ARHGAP31: variants seen among roughly 807,000 people sequenced by gnomAD.
The protein encoded by ARHGAP31 is rho GTPase-activating protein 31.
A neutral mutation model predicts 113.9 loss-of-function variants in ARHGAP31; 34 were observed. That is an observed-to-expected ratio of 0.30 (90% confidence interval 0.23 to 0.40). The LOEUF (loss-of-function observed/expected upper bound fraction) is 0.40. Ranked by LOEUF, ARHGAP31 falls within the 10% of genes least tolerant of loss-of-function variation. The pLI is 1.00. For synonymous variants in ARHGAP31, 650 were observed against 684.8 expected, an observed-to-expected ratio of 0.95 and a Z score of 0.79; for missense variants, 1,548 against 1,767.1, an observed-to-expected ratio of 0.88 and a Z score of 2.22.
At chr3:119,407,378 T>C (rs146919931) in intron 10 of ARHGAP31, among the ~76,000 whole-genome samples, 2 of 120,120 alleles carry the variant, frequency 1.7e-5, no homozygotes, top group Non-Finnish European at 3.6e-5. Context: ...AAAAAAAAAA[T>C]AAAGAAAAAA....
chr3:119,308,389 A>G (rs1488053955), intron 1 of ARHGAP31, among the ~76,000 whole-genome samples: 1 of 152,240 alleles, frequency 6.6e-6, no homozygotes, highest in Non-Finnish European at 1.5e-5. Flanking sequence ...TGCAAGATGT[A>G]TTTCTGGAGG....
At chr3:119,341,389 G>T (rs2080007168) in intron 1 of ARHGAP31, among the ~76,000 whole-genome samples, 1 of 152,184 alleles carries the variant, frequency 6.6e-6, no homozygotes, top group Admixed American at 6.5e-5. Flanking sequence ...GTCAGGCACT[G>T]TTCTAAGTGC....
At chr3:119,320,814 C>G (rs1302644686) in intron 1 of ARHGAP31, among the ~76,000 whole-genome samples, 1 of 152,112 alleles carries the variant, frequency 6.6e-6, no homozygotes, top group Non-Finnish European at 1.5e-5. Context: ...GTATCCCCAC[C>G]CAAATCTCAT....
chr3:119,384,762 G>A (rs956447777), intron 6 of ARHGAP31, among the ~76,000 whole-genome samples: 5 of 152,060 alleles, frequency 3.3e-5, no homozygotes, highest in African/African-American at 1.2e-4. Context: ...ATGAACTTTG[G>A]GGGACACATT....
At chr3:119,308,663 G>A (rs146305142) in intron 1 of ARHGAP31, among the ~76,000 whole-genome samples, 3 of 152,272 alleles carry the variant, frequency 2.0e-5, no homozygotes, top group Admixed American at 6.5e-5. Flanking sequence ...CATCTGTAAA[G>A]CCTCTTTGTA....
At chr3:119,302,288 A>G (rs906866310) in intron 1 of ARHGAP31, among the ~76,000 whole-genome samples, 16 of 152,270 alleles carry the variant, frequency 1.1e-4, no homozygotes, top group Admixed American at 9.2e-4. Flanking sequence ...TTGCCGCAGT[A>G]TACAATTTCA....
rs752035106 is a variant in ARHGAP31 at position 119,402,059 on chromosome 3, G to A, written c.1307G>A (p.Arg436Gln). 34 of 1,614,192 alleles carry A rather than the reference G, an allele frequency of 2.1e-5. No individual in the cohort carries two copies. The highest frequency in any genetic ancestry group is 2.6e-5 in the Non-Finnish European group (31 of 1,180,034). The change falls in exon 10 of 12, where the codon CGG becomes CAG. Residue 436 changes from arginine to glutamine, a missense_variant. Physicochemically the swap from Arg to Gln is conservative, Grantham distance 43. Transcript: ENST00000264245. ...RPPPEQLKVF[R>Q]PVEDPESEQT... ...CCACCGGAACAGCTGAAGGTTTTCCGGCCTGTTGAGGATCCGGAGAGCGAG... is the reference window on the plus strand; with the variant it reads ...CCACCGGAACAGCTGAAGGTTTTCCAGCCTGTTGAGGATCCGGAGAGCGAG...
chr3:119,297,965 G>C (rs1234174256), intron 1 of ARHGAP31, among the ~76,000 whole-genome samples: 2 of 150,154 alleles, frequency 1.3e-5, no homozygotes, highest in African/African-American at 5.0e-5. Flanking sequence ...AATTTCTGCA[G>C]GTATCTACAT....
At chr3:119,381,782 C>T (rs772913709) in intron 4 of ARHGAP31, among the ~76,000 whole-genome samples, 20 of 152,038 alleles carry the variant, frequency 1.3e-4, no homozygotes, top group Non-Finnish European at 2.4e-4. Context: ...GTCAGGAGAT[C>T]GAGACCATCA....
At chr3:119,401,148 G>C (rs111401724) in intron 9 of ARHGAP31, among the ~76,000 whole-genome samples, 2,733 of 148,290 alleles carry the variant, frequency 0.018, 68 homozygotes, top group African/African-American at 0.064. Context: ...TCCAGCCTGG[G>C]CGACAGAGCT....
At chr3:119,391,358 C>T (rs1005052721) in intron 7 of ARHGAP31, among the ~76,000 whole-genome samples, 2 of 152,020 alleles carry the variant, frequency 1.3e-5, no homozygotes, top group African/African-American at 2.4e-5. Context: ...ACCCCCTCCC[C>T]GACCCTCCAT....
intron 8 of ARHGAP31, among the ~76,000 whole-genome samples, chr3:119,398,044 A>G (rs2080567144): frequency 6.6e-6 from 1 of 152,168 alleles, no homozygotes; most frequent in Admixed American, 6.5e-5. Context: ...AGGCAGAAGG[A>G]TTGCTTGAGT....
At chr3:119,401,364 C>G (rs766922843) in intron 9 of ARHGAP31, among the ~76,000 whole-genome samples, 17 of 152,128 alleles carry the variant, frequency 1.1e-4, no homozygotes, top group Admixed American at 2.0e-4. Flanking sequence ...CCAGAGAAAA[C>G]TTAAAACAAA....
chr3:119,395,044 A>C (rs1465539576), intron 8 of ARHGAP31, among the ~76,000 whole-genome samples: 1 of 152,218 alleles, frequency 6.6e-6, no homozygotes, highest in African/African-American at 2.4e-5. Flanking sequence ...TATATGGCAA[A>C]ATGTCAATAA....
chr3:119,296,554 G>A (rs1559957993), intron 1 of ARHGAP31, among the ~76,000 whole-genome samples: 1 of 152,154 alleles, frequency 6.6e-6, no homozygotes, highest in South Asian at 2.1e-4. Flanking sequence ...TTCACCATGC[G>A]GGTGTTATTC....
At position 119,417,278 on chromosome 3, in the gene ARHGAP31, A is replaced by C. The variant is rs575064247; in HGVS notation, c.*1014A>C. On this transcript the variant is annotated 3_prime_UTR_variant, in exon 12 of 12. Coordinates refer to ENST00000264245, the MANE Select transcript of ARHGAP31 (RefSeq NM_020754.4). ...TAGCTCAGCTTTACTCTTCTTCCAC[A>C]CTAGGCTGGGCCCAGCAATACAGGA... The C allele has an allele frequency of 6.6e-6, 1 of 152,146 alleles. No homozygotes were observed. The highest frequency in any genetic ancestry group is 1.9e-4 in the East Asian group (1 of 5,184). 9.4% of individuals were successfully genotyped at this position (152,146 alleles called of 1,614,324 possible).
chr3:119,395,888 C>T (rs1380378690), intron 8 of ARHGAP31, among the ~76,000 whole-genome samples: 1 of 152,062 alleles, frequency 6.6e-6, no homozygotes, highest in Non-Finnish European at 1.5e-5. Context: ...GACAGGTTGC[C>T]ACAAGTATGG....
intron 2 of ARHGAP31, among the ~76,000 whole-genome samples, chr3:119,365,929 AAAAAATAAAAAATAAT>A (rs1317782471): frequency 6.6e-6 from 1 of 152,110 alleles, no homozygotes; most frequent in Non-Finnish European, 1.5e-5. Flanking sequence ...TGATGGGTGA[AAAAAATAAAAAATAAT>A]AAAAATAAAA....
At chr3:119,343,657 T>A (rs2080029865) in intron 1 of ARHGAP31, among the ~76,000 whole-genome samples, 1 of 152,216 alleles carries the variant, frequency 6.6e-6, no homozygotes, top group Non-Finnish European at 1.5e-5. Context: ...AGGAGGTTCA[T>A]GCAGAGGCAA....
Sources: allele counts gnomAD v4.1 joint callset (sites outside exome capture counted in the v4.1 genomes callset), GRCh38; gene constraint gnomAD v4.1.1; transcripts MANE v1.5; gene names NCBI Gene and HGNC (gene_info 2026-07-23, HGNC 2026-07-21).